TLK1: variants seen among roughly 807,000 people sequenced by gnomAD.
The protein encoded by TLK1 is tousled like kinase 1, also known as serine/threonine-protein kinase tousled-like 1.
A neutral mutation model predicts 105.3 loss-of-function variants in TLK1; 24 were observed. The observed-to-expected ratio is 0.23, with a 90% CI of 0.17 to 0.32. The LOEUF (loss-of-function observed/expected upper bound fraction) is 0.32. TLK1 is among the 10% of genes least tolerant of loss of function. TLK1 has a pLI of 1.00. For synonymous variants in TLK1, 321 were observed against 310.4 expected (o/e 1.03, Z -0.36); for missense variants, 558 against 910.5 (o/e 0.61, Z 4.98).
intron 11 of TLK1, among the ~76,000 whole-genome samples, chr2:171,033,771 C>T (rs1258420750): frequency 6.8e-6 from 1 of 147,724 alleles, no homozygotes; most frequent in African/African-American, 2.5e-5. Flanking sequence ...TACTATGTAC[C>T]CATAAAAATA....
At chr2:171,119,245 T>G (rs1381790531) in intron 1 of TLK1, among the ~76,000 whole-genome samples, 1 of 152,248 alleles carries the variant, frequency 6.6e-6, no homozygotes, top group Non-Finnish European at 1.5e-5. Flanking sequence ...CTTCCATTTT[T>G]TCTCTTCCTG....
At chr2:171,157,254 T>C (rs1299263782) in intron 1 of TLK1, among the ~76,000 whole-genome samples, 1 of 152,222 alleles carries the variant, frequency 6.6e-6, no homozygotes, top group Non-Finnish European at 1.5e-5. Flanking sequence ...AAAGTACCCA[T>C]GTACTGATAT....
chr2:171,194,467 G>C (rs1693221103), intron 1 of TLK1, among the ~76,000 whole-genome samples: 1 of 152,132 alleles, frequency 6.6e-6, no homozygotes, highest in African/African-American at 2.4e-5. Context: ...ACAAAGTAAA[G>C]CTTTGGGGGT....
intron 6 of TLK1, among the ~76,000 whole-genome samples, chr2:171,055,765 G>T (rs1243545251): frequency 6.6e-6 from 1 of 151,848 alleles, no homozygotes; most frequent in African/African-American, 2.4e-5. Flanking sequence ...ACAAAACCAA[G>T]TATGTCTAAA....
intron 11 of TLK1, among the ~76,000 whole-genome samples, chr2:171,042,755 C>T (rs1014716640): frequency 6.6e-6 from 1 of 150,388 alleles, no homozygotes; most frequent in Non-Finnish European, 1.5e-5. Context: ...TTGAAGACAG[C>T]ATTTAAGCCA....
chr2:171,093,494 G>C (rs1356463232), intron 2 of TLK1, among the ~76,000 whole-genome samples: 3 of 152,138 alleles, frequency 2.0e-5, no homozygotes, highest in Non-Finnish European at 2.9e-5. Flanking sequence ...TCAAAGGAAA[G>C]ATGTGAAAAA....
chr2:171,016,307 A>G lies in TLK1; in HGVS notation c.1237-1359T>C, dbSNP rs562533614. Among the ~76,000 whole-genome samples the G allele has an allele frequency of 6.6e-5, 10 of 152,054 alleles. 1 individual carries two copies. The South Asian group carries it at 2.1e-3, about 32-fold the overall frequency. On this transcript the variant is annotated intron_variant, in intron 12 of 20. Coordinates refer to ENST00000431350, the MANE Select transcript of TLK1 (RefSeq NM_012290.5). The stretch of plus-strand genomic sequence containing the variant: ...CAGGCATGCGCCACCACACCTGGCT[A>G]TTTTTTTGTAGAGATGGGGTCTCAC...
intron 3 of TLK1, among the ~76,000 whole-genome samples, chr2:171,074,626 CAAAAA>C (rs372844435): frequency 3.7e-4 from 33 of 89,946 alleles, no homozygotes; most frequent in Admixed American, 3.5e-3. Flanking sequence ...GACTCTGCCT[CAAAAA>C]AAAAAAAAAA....
intron 3 of TLK1, among the ~76,000 whole-genome samples, chr2:171,074,626 C>CAAAA (rs372844435): frequency 9.9e-4 from 88 of 88,972 alleles, no homozygotes; most frequent in Non-Finnish European, 1.1e-3. Context: ...GACTCTGCCT[C>CAAAA]AAAAAAAAAA....
intron 11 of TLK1, among the ~76,000 whole-genome samples, chr2:171,036,072 T>A (rs944503748): frequency 1.3e-5 from 2 of 152,228 alleles, no homozygotes; most frequent in Non-Finnish European, 2.9e-5. Context: ...GGAAGTAGAA[T>A]GCGCCTTTAA....
chr2:170,996,118 A>G (rs1275364508), intron 20 of TLK1, among the ~76,000 whole-genome samples: 3 of 149,852 alleles, frequency 2.0e-5, no homozygotes, highest in Non-Finnish European at 4.4e-5. Context: ...CCCACCTCAG[A>G]CTCCCAAGCA....
intron 6 of TLK1, among the ~76,000 whole-genome samples, chr2:171,055,942 G>T (rs182749280): frequency 6.6e-6 from 1 of 151,900 alleles, no homozygotes; most frequent in East Asian, 1.9e-4. Context: ...ATTTAAAAAT[G>T]AAATCCAATA....
chr2:171,189,367 G>C (rs1224313528), intron 1 of TLK1, among the ~76,000 whole-genome samples: 1 of 152,016 alleles, frequency 6.6e-6, no homozygotes, highest in East Asian at 1.9e-4. Flanking sequence ...GGGTTTCACT[G>C]TGTTGGCCAG....
chr2:171,052,903 G>A (rs1192787903), intron 8 of TLK1, among the ~76,000 whole-genome samples: 1 of 152,128 alleles, frequency 6.6e-6, no homozygotes, highest in African/African-American at 2.4e-5. Context: ...AGTTATCTGG[G>A]AGAGCCTTTA....
chr2:171,091,358 A>T (rs1222721585), intron 2 of TLK1, among the ~76,000 whole-genome samples: 2 of 152,210 alleles, frequency 1.3e-5, no homozygotes, highest in Non-Finnish European at 2.9e-5. Context: ...ATCTAGTATA[A>T]ACATTCCTTG....
chr2:171,206,296 T>C (rs991101611), intron 1 of TLK1, among the ~76,000 whole-genome samples: 6 of 152,192 alleles, frequency 3.9e-5, no homozygotes, highest in African/African-American at 1.4e-4. Flanking sequence ...TAATAAAATA[T>C]GGCATGCGTT....
intron 1 of TLK1, among the ~76,000 whole-genome samples, chr2:171,183,570 T>C (rs1692967162): frequency 6.6e-6 from 1 of 152,218 alleles, no homozygotes; most frequent in Non-Finnish European, 1.5e-5. Context: ...CTGTCTATTA[T>C]ATATGTATAT....
intron 12 of TLK1, among the ~76,000 whole-genome samples, chr2:171,024,198 T>G (rs1330157258): frequency 6.6e-6 from 1 of 152,156 alleles, no homozygotes; most frequent in African/African-American, 2.4e-5. Flanking sequence ...TCTCCATACA[T>G]TTTACTATAT....
At chr2:171,172,548 G>A (rs1440580639) in intron 1 of TLK1, among the ~76,000 whole-genome samples, 17 of 152,120 alleles carry the variant, frequency 1.1e-4, no homozygotes, top group Admixed American at 1.1e-3. Context: ...CCTCAGTATT[G>A]GAGGTGGGGC....
Sources: allele counts gnomAD v4.1 joint callset (sites outside exome capture counted in the v4.1 genomes callset), GRCh38; gene constraint gnomAD v4.1.1; transcripts MANE v1.5; gene names NCBI Gene and HGNC (gene_info 2026-07-23, HGNC 2026-07-21).